Variants in GTF3C2 observed in about 807,000 individuals in gnomAD.
GTF3C2 encodes general transcription factor IIIC subunit 2.
A neutral mutation model predicts 117.4 loss-of-function variants in GTF3C2; 17 were observed. That is an observed-to-expected ratio of 0.14 (90% confidence interval 0.10 to 0.22). GTF3C2 has a LOEUF of 0.22. Among genes scored for constraint, GTF3C2 ranks in the 10% least tolerant of loss-of-function variants. The pLI, the probability that GTF3C2 is intolerant of heterozygous loss-of-function variation, is 1.00. For missense variants in GTF3C2, 888 were observed against 1,143.6 expected (o/e 0.78, Z 3.22); for synonymous variants, 437 against 427.0 (o/e 1.02, Z -0.29).
chr2:27,342,391 C>A, intron 3 of GTF3C2, 158 bp from the exon 4 acceptor site: 1 of 632,596 alleles, frequency 1.6e-6, no homozygotes, highest in Non-Finnish European at 2.6e-6. Context: ...GATGAAAAAC[C>A]AGAAATCTAA....
chr2:27,356,578 T>C (rs1381427496), intron 1 of GTF3C2, 161 bp downstream of exon 1: 1 of 183,942 alleles, frequency 5.4e-6, no homozygotes, highest in Non-Finnish European at 1.2e-5. Flanking sequence ...GTGCGGAGCA[T>C]GATGGTGCTC....
At chr2:27,339,296 A>C (rs1313947063) in intron 4 of GTF3C2, among the ~76,000 whole-genome samples, 1 of 151,480 alleles carries the variant, frequency 6.6e-6, no homozygotes, top group Non-Finnish European at 1.5e-5. Context: ...AATCTCAGCT[A>C]CTTGGGAGGC....
chr2:27,326,950 C>A, intron 18 of GTF3C2, 57 bp from the exon 19 acceptor site: 3 of 1,124,246 alleles, frequency 2.7e-6, no homozygotes, highest in Non-Finnish European at 3.9e-6. Context: ...TTTAGGGTGA[C>A]TCCTAGCTGT....
intron 4 of GTF3C2, 161 bp from the exon 5 acceptor site, chr2:27,338,181 T>C: frequency 3.2e-6 from 2 of 627,746 alleles, no homozygotes; most frequent in African/African-American, 1.8e-5. Context: ...ACCACTATAA[T>C]GACTTCTTCA....
intron 5 of GTF3C2, 103 bp downstream of exon 5, chr2:27,337,823 C>T (rs924286360): frequency 1.2e-5 from 9 of 771,780 alleles, no homozygotes; most frequent in Admixed American, 3.6e-5. Context: ...TCACGGTATT[C>T]CACCCATGAG....
At chr2:27,335,800 C>T in intron 9 of GTF3C2, 94 bp from the exon 10 acceptor site, 1 of 1,075,268 alleles carries the variant, frequency 9.3e-7, no homozygotes, top group South Asian at 1.3e-5. Context: ...TATGAAGTTG[C>T]TGGAAAAACT....
At chr2:27,333,816 A>C in intron 11 of GTF3C2, 32 bp from the exon 12 acceptor site, 1 of 1,595,852 alleles carries the variant, frequency 6.3e-7, no homozygotes, top group Non-Finnish European at 8.6e-7. Context: ...GACTAGGGTT[A>C]GGGACACCTA....
In GTF3C2 at chr2:27,337,574, A is replaced by C. The variant is rs149531458; in HGVS notation, c.951-16T>G. 430 of 1,560,118 alleles carry C rather than the reference A, an allele frequency of 2.8e-4. 5 individuals carry two copies. Among genetic ancestry groups the C allele is most frequent in the South Asian group, 1.0e-3 (90 of 90,050 alleles). Reference sequence around the variant, plus strand: ...CTGCTCTCGGCTGGAGAAACAGAAGAAGCATTAATGAAGGAGAGGGATTCT... The same window carrying C: ...CTGCTCTCGGCTGGAGAAACAGAAGCAGCATTAATGAAGGAGAGGGATTCT... On this transcript the variant is annotated splice_polypyrimidine_tract_variant and intron_variant, in intron 5 of 18. Transcript: ENST00000264720.
At chr2:27,337,620 A>T in intron 5 of GTF3C2, 62 bp from the exon 6 acceptor site, 1 of 1,123,672 alleles carries the variant, frequency 8.9e-7, no homozygotes, top group South Asian at 1.2e-5. Flanking sequence ...AGTCCAATAA[A>T]ACTTTCTGTG....
chr2:27,326,944 G>A, intron 18 of GTF3C2, 51 bp from the exon 19 acceptor site: 1 of 1,223,868 alleles, frequency 8.2e-7, no homozygotes. Flanking sequence ...TGGTGCTTTA[G>A]GGTGACTCCT....
At chr2:27,326,122 G>A in exon 19 of GTF3C2, 1 of 445,040 alleles carries the variant, frequency 2.2e-6, no homozygotes, top group Non-Finnish European at 4.6e-6. Context: ...TGTTCTATCG[G>A]TAGGGTGTCT....
At chr2:27,327,048 G>A (rs1680099513) in intron 18 of GTF3C2, 129 bp downstream of exon 18, 2 of 673,096 alleles carry the variant, frequency 3.0e-6, no homozygotes, top group African/African-American at 3.6e-5. Flanking sequence ...AGTGAATGAG[G>A]TACGTCTGTC....
chr2:27,335,709 A>G lies in GTF3C2; in HGVS notation c.1468-3T>C. On this transcript the variant is annotated splice_region_variant and splice_polypyrimidine_tract_variant and intron_variant, in intron 9 of 18. Transcript: ENST00000264720. ...CCCAACCGGGGCAGGAGAGGAGCCT[A>G]AAGGGTAAAAGGTATGCTGAGGCTT... 2 of 1,540,948 alleles carry G rather than the reference A, an allele frequency of 1.3e-6. No individual in the cohort carries two copies. Among genetic ancestry groups the G allele is most frequent in the Admixed American group, 1.9e-5 (1 of 51,464 alleles).
At chr2:27,351,915 C>T (rs574358311) in intron 1 of GTF3C2, among the ~76,000 whole-genome samples, 6 of 152,330 alleles carry the variant, frequency 3.9e-5, no homozygotes, top group Admixed American at 2.0e-4. Flanking sequence ...ATGCTTAGAA[C>T]ATTCAGCTAA....
chr2:27,336,476 G>A, intron 7 of GTF3C2, 51 bp from the exon 8 acceptor site: 1 of 1,157,864 alleles, frequency 8.6e-7, no homozygotes, highest in South Asian at 1.2e-5. Flanking sequence ...GAAAGGTAAT[G>A]AGGACTGAAT....
chr2:27,333,810 A>G lies in GTF3C2; in HGVS notation c.1603-26T>C, dbSNP rs779948340. ...CTGCAGGGAAAGAAGAGATGGGACT[A>G]GGGTTAGGGACACCTACACTGTTTG... On this transcript the variant is annotated intron_variant, in intron 11 of 18. Coordinates refer to ENST00000264720, the Ensembl canonical transcript of GTF3C2. 2.5e-6 allele frequency: 4 copies of G among 1,598,186 alleles called. No homozygotes were observed. In the East Asian group the frequency reaches 9.0e-5, roughly 36 times the overall value.
chr2:27,326,850 G>A (rs1350789712), exon 19 of GTF3C2: 1 of 1,613,824 alleles, frequency 6.2e-7, no homozygotes. Context: ...CTGCCCCCCA[G>A]ATACCAGCCA....
rs1558624849 is a variant in GTF3C2 at position 27,351,889 on chromosome 2, A to AG, written c.-25+4849_-25+4850insC. Among the ~76,000 whole-genome samples the AG allele has an allele frequency of 8.0e-3, 1,215 of 152,286 alleles. 16 individuals are homozygous for AG. The highest frequency in any genetic ancestry group is 0.028 in the African/African-American group (1,160 of 41,574). On this transcript the variant is annotated intron_variant, in intron 1 of 18. Coordinates refer to ENST00000264720, the Ensembl canonical transcript of GTF3C2. ...GTCCCACACGCCCCCCATCTTGTAA[A>AG]AATCTTGTTCCTTTGATGCTTAGAA...
chr2:27,332,653 A>G (rs1680318325), intron 12 of GTF3C2, among the ~76,000 whole-genome samples: 1 of 151,850 alleles, frequency 6.6e-6, no homozygotes, highest in Admixed American at 6.6e-5. Context: ...TGACCTCGTG[A>G]TCTGCCTGCC....
Sources: gnomAD v4.1 joint callset for allele counts (sites outside exome capture counted in the v4.1 genomes callset) on GRCh38, gnomAD v4.1.1 for gene constraint, MANE v1.5 for transcripts, NCBI Gene and HGNC (gene_info 2026-07-23, HGNC 2026-07-21) for gene names.